Variants in DTNB observed in about 807,000 individuals in gnomAD.
DTNB encodes dystrobrevin beta.
Under a neutral mutation model 90.7 loss-of-function variants are expected in DTNB, and 63 were observed. The ratio of observed to expected loss-of-function variants is 0.69; its 90% CI spans 0.57 to 0.86. DTNB has a LOEUF of 0.86. DTNB is among the 40% of genes least tolerant of loss of function. DTNB has a pLI of 0.00. For missense variants in DTNB, 744 were observed against 807.1 expected (o/e 0.92, Z 0.95); for synonymous variants, 277 against 286.7 (o/e 0.97, Z 0.34).
intron 16 of DTNB, among the ~76,000 whole-genome samples, chr2:25,414,890 T>C (rs1409695565): frequency 6.6e-6 from 1 of 152,148 alleles, no homozygotes; most frequent in African/African-American, 2.4e-5. Flanking sequence ...ACCTAATTCC[T>C]GAGCCTGTTA....
At chr2:25,432,616 A>G (rs1468625288) in intron 14 of DTNB, among the ~76,000 whole-genome samples, 3 of 152,236 alleles carry the variant, frequency 2.0e-5, no homozygotes, top group African/African-American at 7.2e-5. Context: ...TCTTAAAGCA[A>G]TCACAGAAGT....
intron 3 of DTNB, among the ~76,000 whole-genome samples, chr2:25,631,551 T>C (rs2075752080): frequency 6.8e-6 from 1 of 146,096 alleles, no homozygotes; most frequent in Non-Finnish European, 1.5e-5. Flanking sequence ...TCAACCTGAG[T>C]GACGAAGTGA....
chr2:25,443,063 G>T (rs1331369550), intron 12 of DTNB, among the ~76,000 whole-genome samples: 1 of 152,184 alleles, frequency 6.6e-6, no homozygotes, highest in South Asian at 2.1e-4. Flanking sequence ...GAGACAAAAG[G>T]TGAGAGATCA....
At chr2:25,383,275 G>T (rs2038430715) in intron 19 of DTNB, among the ~76,000 whole-genome samples, 1 of 148,132 alleles carries the variant, frequency 6.8e-6, no homozygotes, top group African/African-American at 2.5e-5. Flanking sequence ...GAGTGCAGTG[G>T]TGTGATCTCG....
chr2:25,424,754 A>C lies in DTNB; in HGVS notation c.1554+2781T>G, dbSNP rs2050950086. ...GTAATCTCTGCTCACTGCAGCCTCC[A>C]CCTCCTGGGCTTAAGCGATCCTCCC... On this transcript the variant is annotated intron_variant, in intron 15 of 20. Coordinates refer to ENST00000406818, the MANE Select transcript of DTNB (RefSeq NM_021907.5). The surrounding 1 kb of genome is among the most constrained non-coding windows in gnomAD (Gnocchi z 4.1). 6.7e-6 allele frequency among the ~76,000 whole-genome samples: 1 copy of C among 149,238 alleles called. No individual in the cohort carries two copies. The highest frequency in any genetic ancestry group is 6.7e-5 in the Admixed American group (1 of 14,876).
intron 9 of DTNB, among the ~76,000 whole-genome samples, chr2:25,522,340 C>A (rs766573103): frequency 6.6e-6 from 1 of 152,168 alleles, no homozygotes; most frequent in Non-Finnish European, 1.5e-5. Flanking sequence ...ACTTGTATTA[C>A]TTTCTGAAAG....
rs148974787 is a variant in DTNB, at chr2:25,560,067, G to A, written c.876+16771C>T. Among the ~76,000 whole-genome samples, 792 of 152,316 alleles carry A rather than the reference G, an allele frequency of 5.2e-3. 13 individuals are homozygous for A. The highest frequency in any genetic ancestry group is 5.8e-3 in the Non-Finnish European group (395 of 68,028). On this transcript the variant is annotated intron_variant, in intron 8 of 20. Transcript: ENST00000406818. ...AGTTCAAGACCAGCCTGGCCAACAC[G>A]GCGAAACCCCATGTCTACTAAAAAT... is the stretch of plus-strand genomic sequence containing the variant.
intron 8 of DTNB, among the ~76,000 whole-genome samples, chr2:25,567,004 A>G (rs541790915): frequency 1.3e-5 from 2 of 152,356 alleles, no homozygotes; most frequent in Non-Finnish European, 2.9e-5. Context: ...ATAGAAGCAG[A>G]GACAGGGGGC....
At chr2:25,508,545 T>C (rs2073098603) in intron 9 of DTNB, among the ~76,000 whole-genome samples, 2 of 151,052 alleles carry the variant, frequency 1.3e-5, no homozygotes, top group Non-Finnish European at 2.9e-5. Flanking sequence ...TTGTTTTTTA[T>C]TTTTTTGAGA....
chr2:25,417,091 C>G (rs1195020129), intron 16 of DTNB, among the ~76,000 whole-genome samples: 1 of 152,154 alleles, frequency 6.6e-6, no homozygotes, highest in South Asian at 2.1e-4. Flanking sequence ...CTATCTAAGT[C>G]AACAGAGCAG....
At chr2:25,668,335 G>T (rs1420539778) in intron 1 of DTNB, among the ~76,000 whole-genome samples, 1 of 152,210 alleles carries the variant, frequency 6.6e-6, no homozygotes, top group Non-Finnish European at 1.5e-5. Context: ...AAGCCAATCT[G>T]AGTAGGCTCC....
At chr2:25,659,991 T>C (rs1377690108) in intron 1 of DTNB, among the ~76,000 whole-genome samples, 2 of 152,120 alleles carry the variant, frequency 1.3e-5, no homozygotes, top group Admixed American at 6.5e-5. Flanking sequence ...CATGAACGTA[T>C]GAAAACTTAC....
At position 25,639,048 on chromosome 2, in the gene DTNB, G is replaced by A. The variant is rs545714215; in HGVS notation, c.114C>T (p.Ala38=). ...DVIRLSTYRT[A]CKLRFVQKRC... is the part of the protein sequence containing the mutation. ...GTTTTTGTACAAATCGTAATTTGCA[G>A]GCTGTTCTGTAAGTTGATAGTCGTA... is the stretch of plus-strand genomic sequence containing the variant. Residue 38 remains alanine, a synonymous_variant, in exon 3 of 21, where the codon GCC becomes GCT. Transcript: ENST00000406818. 7 of 1,594,104 alleles carry A rather than the reference G, an allele frequency of 4.4e-6. No individual in the cohort carries two copies. Among genetic ancestry groups the A allele is most frequent in the Non-Finnish European group, 4.3e-6 (5 of 1,167,914 alleles).
At chr2:25,433,042 T>G in intron 13 of DTNB, 43 bp from the exon 14 acceptor site, 1 of 1,520,854 alleles carries the variant, frequency 6.6e-7, no homozygotes, top group Non-Finnish European at 8.8e-7. Flanking sequence ...ACAGTGCTTC[T>G]CACTCACGCT....
At chr2:25,394,052 A>T (rs977942804) in intron 16 of DTNB, among the ~76,000 whole-genome samples, 1 of 152,242 alleles carries the variant, frequency 6.6e-6, no homozygotes, top group Non-Finnish European at 1.5e-5. Flanking sequence ...ATAGGCACAT[A>T]CACCAATGGA....
chr2:25,411,904 G>C (rs537836095), intron 16 of DTNB, among the ~76,000 whole-genome samples: 5 of 152,090 alleles, frequency 3.3e-5, no homozygotes, highest in Middle Eastern at 3.2e-3. Flanking sequence ...CTTCTATTTC[G>C]GAAGATTAAG....
At position 25,493,188 on chromosome 2, in the gene DTNB, G is replaced by T. The variant is rs368168360; in HGVS notation, c.1002-10315C>A. ...TTACTATTGGTGTGAAAGGGGGAAA[G>T]AATTTATTATGCCCTAATGCTTTCA... On this transcript the variant is annotated intron_variant, in intron 9 of 20. Coordinates refer to ENST00000406818, the MANE Select transcript of DTNB (RefSeq NM_021907.5). Among the ~76,000 whole-genome samples, 257 of 152,286 alleles carry T rather than the reference G, an allele frequency of 1.7e-3. 1 individual carries two copies. Among genetic ancestry groups the T allele is most frequent in the African/African-American group, 5.9e-3 (245 of 41,568 alleles).
chr2:25,649,351 C>G (rs757371161), intron 2 of DTNB, among the ~76,000 whole-genome samples: 13 of 152,120 alleles, frequency 8.5e-5, no homozygotes, highest in Non-Finnish European at 1.6e-4. Flanking sequence ...AACCAGTACA[C>G]TAGGTCAAGA....
chr2:25,453,282 G>A (rs2059542367), intron 11 of DTNB, among the ~76,000 whole-genome samples: 1 of 152,160 alleles, frequency 6.6e-6, no homozygotes, highest in Admixed American at 6.6e-5. Context: ...AATTGGCTAT[G>A]TTTTCTAGCC....
Sources: gnomAD v4.1 joint callset for allele counts (sites outside exome capture counted in the v4.1 genomes callset) on GRCh38, gnomAD v4.1.1 for gene constraint, Gnocchi (gnomAD v3.1) non-coding constraint, MANE v1.5 for transcripts, NCBI Gene and HGNC (gene_info 2026-07-23, HGNC 2026-07-21) for gene names.